RAD23A: variants seen among roughly 807,000 people sequenced by gnomAD.
RAD23A encodes the protein RAD23 nucleotide excision repair protein A.
A neutral mutation model predicts 44.8 loss-of-function variants in RAD23A; 16 were observed. The observed-to-expected ratio is 0.36, with a 90% CI of 0.24 to 0.54. The LOEUF (loss-of-function observed/expected upper bound fraction) is 0.54. RAD23A is among the 20% of genes least tolerant of loss of function. The pLI is 0.89. For missense variants in RAD23A, 380 were observed against 483.3 expected (o/e 0.79, Z 2.00); for synonymous variants, 217 against 202.9 (o/e 1.07, Z -0.59).
chr19:12,950,514 T>C (rs1208787331), intron 7 of RAD23A, among the ~76,000 whole-genome samples: 5 of 152,014 alleles, frequency 3.3e-5, no homozygotes, highest in African/African-American at 4.8e-5. Flanking sequence ...AAGCGATTCT[T>C]TTGCCCCCGC....
chr19:12,953,377 A>C lies in RAD23A; in HGVS notation c.*328A>C. On this transcript the variant is annotated 3_prime_UTR_variant, in exon 9 of 9. Coordinates refer to ENST00000586534, the MANE Select transcript of RAD23A (RefSeq NM_005053.4). The stretch of plus-strand genomic sequence containing the variant: ...CGGAAAGGCGGCTGCTTGCCTCTCC[A>C]TCCTCCGAAAAACCCCTGAGGACCC... 2.2e-5 allele frequency: 4 copies of C among 181,704 alleles called. No individual in the cohort carries two copies. Among genetic ancestry groups the C allele is most frequent in the Non-Finnish European group, 2.3e-5 (2 of 88,818 alleles). The allele number at this position is 181,704 out of a possible 1,614,324, so 11.3% of individuals were successfully genotyped here.
rs751071968 is a variant in RAD23A at position 12,947,974 on chromosome 19, G to C, written c.199G>C (p.Asp67His). The C allele has an allele frequency of 6.2e-7, 1 of 1,613,908 alleles. No individual in the cohort carries two copies. The highest frequency in any genetic ancestry group is 8.5e-7 in the Non-Finnish European group (1 of 1,180,024). ...TGTCCCTATCAGGGACTATCGCATC[G>C]ATGAGAAGAACTTTGTGGTCGTCAT... Reference protein sequence around the residue: ...DDVPIRDYRIDEKNFVVVMVT... With the variant: ...DDVPIRDYRIHEKNFVVVMVT... Residue 67 changes from aspartate (D) to histidine (H), a missense_variant, in exon 2 of 9, where the codon GAT (aspartate) becomes CAT (histidine). Physicochemically the swap from Asp to His is moderately conservative, Grantham distance 81. Around this residue, in one of 3 missense-constraint regions of RAD23A, gnomAD observed 70 missense variants for 106.0 expected, o/e 0.66. Coordinates refer to ENST00000586534, the MANE Select transcript of RAD23A (RefSeq NM_005053.4).
Position 12,948,157 on chromosome 19 carries a change from C to T in RAD23A, c.235-20C>T. ...CTGATAGGGTTGCTGATGCCAGCTC[C>T]CTTTTTCTTGCTGTTGCAGACCAAA... is the stretch of plus-strand genomic sequence containing the variant. On this transcript the variant is annotated intron_variant, in intron 2 of 8. Coordinates refer to ENST00000586534, the MANE Select transcript of RAD23A (RefSeq NM_005053.4). This position sits in a 1 kb window ranked among gnomAD's most constrained non-coding sequence, Gnocchi z 5.5. 1 of 1,613,930 alleles carries T rather than the reference C, an allele frequency of 6.2e-7. No homozygotes were observed. Among genetic ancestry groups the T allele is most frequent in the Non-Finnish European group, 8.5e-7 (1 of 1,179,956 alleles).
At chr19:12,947,046 A>G (rs1971690412) in intron 1 of RAD23A, among the ~76,000 whole-genome samples, 1 of 152,236 alleles carries the variant, frequency 6.6e-6, no homozygotes, top group Non-Finnish European at 1.5e-5. Context: ...TACAAAAAAA[A>G]GAAACAAAAA....
In RAD23A at chr19:12,945,893, C is replaced by G; in HGVS notation, c.-56C>G. Reference sequence around the variant, plus strand: ...CGCCTGGGCGCTAAGATGGCGGCGGCGTGAGTTGCATGTTGTGTGAGGATC... The same window carrying G: ...CGCCTGGGCGCTAAGATGGCGGCGGGGTGAGTTGCATGTTGTGTGAGGATC... On this transcript the variant is annotated 5_prime_UTR_variant, in exon 1 of 9. Transcript: ENST00000586534. The G allele has an allele frequency of 6.4e-7, 1 of 1,566,294 alleles. No homozygotes were observed. The highest frequency in any genetic ancestry group is 1.7e-5 in the Admixed American group (1 of 59,060).
At position 12,946,019 on chromosome 19, in the gene RAD23A, C is replaced by A. The variant is rs759661066; in HGVS notation, c.71C>A (p.Thr24Lys). The change falls in exon 1 of 9, where the codon ACG becomes AAG. Residue 24 changes from threonine to lysine, a missense_variant and splice_region_variant. Thr to Lys is a moderately conservative substitution (Grantham distance 78, BLOSUM62 -1). Around this residue, in one of 3 missense-constraint regions of RAD23A, gnomAD observed 70 missense variants for 106.0 expected, o/e 0.66. Coordinates refer to ENST00000586534, the MANE Select transcript of RAD23A (RefSeq NM_005053.4). ...TFKIRMEPDE[T>K]VKVLKEKIEA... ...AAGATCCGCATGGAGCCTGACGAGA[C>A]GGTGCGGGCCGGGCCGGAGCCCGGG... is the stretch of plus-strand genomic sequence containing the variant. 3 of 1,225,958 alleles carry A rather than the reference C, an allele frequency of 2.4e-6. No individual in the cohort carries two copies. Among genetic ancestry groups the A allele is most frequent in the African/African-American group, 1.9e-5 (1 of 52,062 alleles). The allele number at this position is 1,225,958 out of a possible 1,614,324, so 75.9% of individuals were successfully genotyped here.
chr19:12,952,041 G>C (rs1971826716), intron 7 of RAD23A, among the ~76,000 whole-genome samples: 1 of 151,980 alleles, frequency 6.6e-6, no homozygotes, highest in Non-Finnish European at 1.5e-5. Flanking sequence ...TCCTACCTTA[G>C]CCTTCTTGAG....
chr19:12,946,080 C>T (rs1346438016), intron 1 of RAD23A, 60 bp downstream of exon 1: 7 of 203,426 alleles, frequency 3.4e-5, no homozygotes, highest in Non-Finnish European at 6.3e-5. Context: ...GGGGTGGGGG[C>T]GGGGAGGCTA....
rs1426172837 is a variant in RAD23A at position 12,945,958 on chromosome 19, A to G, written c.10A>G (p.Thr4Ala). ...TCGCTCGGGCCCCGCCATGGCCGTCACCATCACGCTCAAAACGCTGCAGCA... is the reference window on the plus strand; with the variant it reads ...TCGCTCGGGCCCCGCCATGGCCGTCGCCATCACGCTCAAAACGCTGCAGCA... MAV[T>A]ITLKTLQQQT... Residue 4 changes from threonine (T) to alanine (A), a missense_variant, in exon 1 of 9, where the codon ACC becomes GCC. Thr to Ala is a moderately conservative substitution (Grantham distance 58). Coordinates refer to ENST00000586534, the MANE Select transcript of RAD23A (RefSeq NM_005053.4). The G allele has an allele frequency of 1.2e-6, 2 of 1,606,814 alleles. No individual in the cohort carries two copies. The highest frequency in any genetic ancestry group is 1.7e-6 in the Non-Finnish European group (2 of 1,177,674).
chr19:12,947,769 T>G lies in RAD23A; in HGVS notation c.73-79T>G. 3.4e-6 allele frequency: 5 copies of G among 1,452,038 alleles called. No individual in the cohort carries two copies. The South Asian group carries it at 5.9e-5, about 17-fold the overall frequency. The allele number at this position is 1,452,038 out of a possible 1,614,324, so 89.9% of individuals were successfully genotyped here. A position where few individuals can be genotyped will look rare whatever the true frequency, so the allele number is the denominator to read the frequency against. On this transcript the variant is annotated intron_variant, in intron 1 of 8. Coordinates refer to ENST00000586534, the MANE Select transcript of RAD23A (RefSeq NM_005053.4). ...GTGCTTGCCTTTCTGCCATCAGGGC[T>G]GGCAGTTTCTCTGTCCTAAACTAGA...
Position 12,948,469 on chromosome 19 carries a change from G to T in RAD23A, c.417-28G>T. On this transcript the variant is annotated intron_variant, in intron 3 of 8. Coordinates refer to ENST00000586534, the MANE Select transcript of RAD23A (RefSeq NM_005053.4). This position sits in a 1 kb window ranked among gnomAD's most constrained non-coding sequence, Gnocchi z 5.5. ...GGAGGGCAAGCCGCCAGAAGCCAGGGTCCGATTTCTCTCTCTTGAATTTGC... is the reference window on the plus strand; with the variant it reads ...GGAGGGCAAGCCGCCAGAAGCCAGGTTCCGATTTCTCTCTCTTGAATTTGC... The T allele has an allele frequency of 6.4e-7, 1 of 1,561,242 alleles. No homozygotes were observed. The highest frequency in any genetic ancestry group is 8.7e-7 in the Non-Finnish European group (1 of 1,154,186).
Position 12,948,509 on chromosome 19 carries a change from T to C in RAD23A, c.429T>C (p.Ser143=), listed in dbSNP as rs201653627. ...CTTGAATTTGCAGCTCTGTTCCCTC[T>C]TCAGGTAGCAGCGGGCGAGAGGAAG... is the stretch of plus-strand genomic sequence containing the variant. ...SPESVSGSVP[S]SGSSGREEDA... is the part of the protein sequence containing the mutation. Residue 143 remains serine (S), a synonymous_variant, in exon 4 of 9, where the codon TCT becomes TCC. Transcript: ENST00000586534. The surrounding 1 kb of genome is among the most constrained non-coding windows in gnomAD (Gnocchi z 5.5). 2.5e-6 allele frequency: 4 copies of C among 1,593,720 alleles called. No individual in the cohort carries two copies. The highest frequency in any genetic ancestry group is 2.7e-5 in the African/African-American group (2 of 74,278).
At position 12,948,411 on chromosome 19, in the gene RAD23A, A is replaced by G; in HGVS notation, c.416+53A>G. On this transcript the variant is annotated intron_variant, in intron 3 of 8. Transcript: ENST00000586534. The surrounding 1 kb of genome is among the most constrained non-coding windows in gnomAD (Gnocchi z 5.5). ...GGGCCCTGTCCTCCTAGCACATTCC[A>G]GCGTCCACATAAGTGGTCCCACACA... The G allele has an allele frequency of 6.5e-7, 1 of 1,545,640 alleles. No homozygotes were observed. The highest frequency in any genetic ancestry group is 8.7e-7 in the Non-Finnish European group (1 of 1,144,674).
In RAD23A at chr19:12,953,098, A is replaced by G. The variant is rs200044346; in HGVS notation, c.*49A>G. 46 of 1,307,798 alleles carry G rather than the reference A, an allele frequency of 3.5e-5. No individual in the cohort carries two copies. In the East Asian group the frequency reaches 1.0e-3, roughly 30 times the overall value. 81.0% of individuals were successfully genotyped at this position (1,307,798 alleles called of 1,614,324 possible). ...GCCCCCACCCTACCCTTATTCCATG[A>G]AAGTTTTATAAAAGAAAAAATATAT... is the stretch of plus-strand genomic sequence containing the variant. On this transcript the variant is annotated 3_prime_UTR_variant, in exon 9 of 9. Transcript: ENST00000586534.
At position 12,945,878 on chromosome 19, in the gene RAD23A, C is replaced by G. The variant is rs959726792; in HGVS notation, c.-71C>G. ...GCGCGCGGCGCGGCGCGCCTGGGCGCTAAGATGGCGGCGGCGTGAGTTGCA... is the reference window on the plus strand; with the variant it reads ...GCGCGCGGCGCGGCGCGCCTGGGCGGTAAGATGGCGGCGGCGTGAGTTGCA... On this transcript the variant is annotated 5_prime_UTR_variant, in exon 1 of 9. Coordinates refer to ENST00000586534, the MANE Select transcript of RAD23A (RefSeq NM_005053.4). 45 of 1,539,002 alleles carry G rather than the reference C, an allele frequency of 2.9e-5. No individual in the cohort carries two copies. Among genetic ancestry groups the G allele is most frequent in the Non-Finnish European group, 3.9e-5 (44 of 1,126,614 alleles).
rs1051733110 is a variant in RAD23A at position 12,948,789 on chromosome 19, C to T, written c.576C>T (p.His192=). 17 of 1,612,070 alleles carry T rather than the reference C, an allele frequency of 1.1e-5. No homozygotes were observed. Among genetic ancestry groups the T allele is most frequent in the Non-Finnish European group, 1.4e-5 (17 of 1,179,450 alleles). The change falls in exon 5 of 9, where the codon CAC becomes CAT. Residue 192 remains histidine, a synonymous_variant. Transcript: ENST00000586534. The surrounding 1 kb of genome is among the most constrained non-coding windows in gnomAD (Gnocchi z 5.5). ...TGAGAGCCAGCTACAACAACCCCCA[C>T]CGAGCCGTGGAGTATCTGCTCACGG... The part of the protein sequence containing the change: ...AALRASYNNP[H]RAVEYLLTGI...
rs908285716 is a variant in RAD23A at position 12,945,862 on chromosome 19, G to A, written c.-87G>A. The stretch of plus-strand genomic sequence containing the variant: ...GCCCCGGAAGTGGTCGGCGCGCGGC[G>A]CGGCGCGCCTGGGCGCTAAGATGGC... On this transcript the variant is annotated 5_prime_UTR_variant, in exon 1 of 9. Coordinates refer to ENST00000586534, the MANE Select transcript of RAD23A (RefSeq NM_005053.4). 4.2e-6 allele frequency: 6 copies of A among 1,444,044 alleles called. No individual in the cohort carries two copies. Among genetic ancestry groups the A allele is most frequent in the South Asian group, 1.2e-5 (1 of 85,430 alleles). 89.5% of individuals were successfully genotyped at this position (1,444,044 alleles called of 1,614,324 possible).
chr19:12,950,906 A>G (rs538265610), intron 7 of RAD23A, among the ~76,000 whole-genome samples: 1 of 152,158 alleles, frequency 6.6e-6, no homozygotes, highest in African/African-American at 2.4e-5. Context: ...TCTACTATAA[A>G]TACAAAAAGT....
chr19:12,951,096 TC>T (rs1215818482), intron 7 of RAD23A, among the ~76,000 whole-genome samples: 1 of 152,102 alleles, frequency 6.6e-6, no homozygotes, highest in African/African-American at 2.4e-5. Context: ...CAAATGAACT[TC>T]CAGATACCTA....
Sources: allele counts gnomAD v4.1 joint callset (sites outside exome capture counted in the v4.1 genomes callset), GRCh38; gene constraint gnomAD v4.1.1; regional missense constraint gnomAD v4.1.1; non-coding constraint Gnocchi (gnomAD v3.1); transcripts MANE v1.5; gene names NCBI Gene and HGNC (gene_info 2026-07-23, HGNC 2026-07-21).